The following RPRD2 variants were observed in gnomAD, a reference collection of about 807,000 sequenced individuals.
The protein encoded by RPRD2 is regulation of nuclear pre-mRNA domain containing 2, also known as regulation of nuclear pre-mRNA domain-containing protein 2.
Under a neutral mutation model 104.4 loss-of-function variants are expected in RPRD2, and 12 were observed. The ratio of observed to expected loss-of-function variants is 0.11; its 90% confidence interval spans 0.07 to 0.19. The LOEUF is 0.19. Among genes scored for constraint, RPRD2 ranks in the 10% least tolerant of loss-of-function variants. The pLI is 1.00. For missense variants in RPRD2, 1,543 were observed against 1,790.1 expected (o/e 0.86, Z 2.49); for synonymous variants, 714 against 684.9 (o/e 1.04, Z -0.66).
intron 2 of RPRD2, among the ~76,000 whole-genome samples, chr1:150,431,133 A>G (rs368379940): frequency 8.5e-5 from 13 of 152,134 alleles, no homozygotes; most frequent in African/African-American, 2.4e-4. Context: ...CAAACAAACA[A>G]CTAGAAAATG....
intron 1 of RPRD2, chr1:150,408,933 C>T (rs1006047863): frequency 1.3e-5 from 2 of 152,170 alleles, no homozygotes; most frequent in Non-Finnish European, 2.9e-5. Context: ...TTTGGACTCT[C>T]GTGCTGATGC....
In RPRD2 at chr1:150,435,183, A is replaced by G. The variant is rs587686641; in HGVS notation, c.336-5740A>G. ...TCGTCCATGTAAGACCGTGAACTTAATTGATAAATGTCGTGTGTTTTCTGA... is the reference window on the plus strand; with the variant it reads ...TCGTCCATGTAAGACCGTGAACTTAGTTGATAAATGTCGTGTGTTTTCTGA... On this transcript the variant is annotated intron_variant, in intron 2 of 10. Coordinates refer to ENST00000369068, the MANE Select transcript of RPRD2 (RefSeq NM_015203.5). Among the ~76,000 whole-genome samples, 105 of 152,312 alleles carry G rather than the reference A, an allele frequency of 6.9e-4. 2 individuals carry two copies. The highest frequency in any genetic ancestry group is 1.2e-3 in the Non-Finnish European group (82 of 68,032).
At chr1:150,441,620 T>C (rs1232412681) in intron 3 of RPRD2, 1 of 322,990 alleles carries the variant, frequency 3.1e-6, no homozygotes, top group Admixed American at 4.6e-5. Flanking sequence ...TTCATTTTAA[T>C]TTGTTAATTG....
intron 7 of RPRD2, among the ~76,000 whole-genome samples, chr1:150,447,439 A>G (rs1398554590): frequency 3.4e-5 from 5 of 148,188 alleles, no homozygotes; most frequent in Non-Finnish European, 5.9e-5. Context: ...GGTTCAAGTG[A>G]TTCTCCTGCC....
chr1:150,426,514 A>C (rs1553890565), intron 2 of RPRD2, among the ~76,000 whole-genome samples: 1 of 152,222 alleles, frequency 6.6e-6, no homozygotes, highest in Non-Finnish European at 1.5e-5. Flanking sequence ...AAGGAACATG[A>C]AAATGCTCTA....
At chr1:150,458,023 T>G (rs1460061952) in intron 8 of RPRD2, among the ~76,000 whole-genome samples, 1 of 152,034 alleles carries the variant, frequency 6.6e-6, no homozygotes, top group Non-Finnish European at 1.5e-5. Context: ...GAGCTGAGAT[T>G]ATGCCACTGC....
Position 150,472,798 on chromosome 1 carries a change from G to A in RPRD2, c.3850G>A (p.Gly1284Arg). The change falls in exon 11 of 11, where the codon GGG becomes AGG. Residue 1284 changes from glycine (G) to arginine (R), a missense_variant. By Grantham distance (125) the Gly-to-Arg change is moderately radical. Coordinates refer to ENST00000369068, the MANE Select transcript of RPRD2 (RefSeq NM_015203.5). ...TCCTGGGGAACATAGCAGCAGTGGT[G>A]GGAGTGGTGTCCCCTTTTCTACTCC... ...PPPGEHSSSG[G>R]SGVPFSTPPP... 1 of 1,611,288 alleles carries A rather than the reference G, an allele frequency of 6.2e-7. No individual in the cohort carries two copies. Among genetic ancestry groups the A allele is most frequent in the Non-Finnish European group, 8.5e-7 (1 of 1,177,766 alleles).
chr1:150,385,450 G>A (rs1191004551), intron 1 of RPRD2, among the ~76,000 whole-genome samples: 5 of 152,218 alleles, frequency 3.3e-5, no homozygotes, highest in Non-Finnish European at 5.9e-5. Context: ...CTCTAGCCTC[G>A]GCGGCAAAGC....
chr1:150,379,534 C>G (rs1660975398), intron 1 of RPRD2, among the ~76,000 whole-genome samples: 1 of 151,960 alleles, frequency 6.6e-6, no homozygotes, highest in African/African-American at 2.4e-5. Flanking sequence ...TCCTGAGTAG[C>G]TGGGATTACA....
chr1:150,462,354 A>G (rs1222215274), intron 9 of RPRD2, among the ~76,000 whole-genome samples: 1 of 151,978 alleles, frequency 6.6e-6, no homozygotes, highest in Non-Finnish European at 1.5e-5. Flanking sequence ...CTGAGGCATA[A>G]GTATCATTTG....
At chr1:150,385,586 G>T (rs970722504) in intron 1 of RPRD2, among the ~76,000 whole-genome samples, 1 of 152,108 alleles carries the variant, frequency 6.6e-6, no homozygotes, top group African/African-American at 2.4e-5. Flanking sequence ...TTAAGTATGG[G>T]TTATCATAAT....
At chr1:150,396,999 A>C (rs1553884343) in intron 1 of RPRD2, among the ~76,000 whole-genome samples, 1 of 152,116 alleles carries the variant, frequency 6.6e-6, no homozygotes, top group African/African-American at 2.4e-5. Context: ...TTTGAGACAG[A>C]GTCTTGCTCT....
chr1:150,426,435 A>G (rs782460862), intron 2 of RPRD2, among the ~76,000 whole-genome samples: 1 of 152,190 alleles, frequency 6.6e-6, no homozygotes, highest in African/African-American at 2.4e-5. Flanking sequence ...TAAAATGTGA[A>G]TAATAGTACA....
intron 2 of RPRD2, among the ~76,000 whole-genome samples, chr1:150,423,649 G>A (rs1664913030): frequency 1.3e-5 from 2 of 152,030 alleles, no homozygotes; most frequent in African/African-American, 4.8e-5. Context: ...CTGAAAATTT[G>A]AAATGCAAAA....
chr1:150,387,715 C>G (rs1317291982), intron 1 of RPRD2, among the ~76,000 whole-genome samples: 1 of 148,310 alleles, frequency 6.7e-6, no homozygotes, highest in Non-Finnish European at 1.5e-5. Context: ...CATCAGCCTC[C>G]CCAGTAGCTG....
chr1:150,417,937 C>CTTTCTTT (rs1553888921), intron 2 of RPRD2, among the ~76,000 whole-genome samples: 10 of 150,508 alleles, frequency 6.6e-5, no homozygotes, highest in African/African-American at 2.0e-4. Context: ...TTTCTTTCTT[C>CTTTCTTT]CTTTCCTTTC....
intron 1 of RPRD2, among the ~76,000 whole-genome samples, chr1:150,393,641 G>T (rs1408168258): frequency 3.3e-5 from 5 of 151,966 alleles, no homozygotes; most frequent in African/African-American, 1.2e-4. Flanking sequence ...AGAGAATTTG[G>T]CATCAATAGT....
chr1:150,373,354 C>G (rs189325646), intron 1 of RPRD2, among the ~76,000 whole-genome samples: 1 of 151,936 alleles, frequency 6.6e-6, no homozygotes, highest in African/African-American at 2.4e-5. Context: ...TCTGCTGGAA[C>G]AGGGATACCA....
At chr1:150,454,844 T>C (rs1667416637) in intron 7 of RPRD2, among the ~76,000 whole-genome samples, 1 of 152,010 alleles carries the variant, frequency 6.6e-6, no homozygotes, top group African/African-American at 2.4e-5. Flanking sequence ...CGAGACCCTG[T>C]CTGAAATAAA....
Sources: gnomAD v4.1 joint callset for allele counts (sites outside exome capture counted in the v4.1 genomes callset) on GRCh38, gnomAD v4.1.1 for gene constraint, MANE v1.5 for transcripts, NCBI Gene and HGNC (gene_info 2026-07-23, HGNC 2026-07-21) for gene names.